The following CHL1 variants were observed in gnomAD, a reference collection of about 807,000 sequenced individuals.
CHL1 encodes cell adhesion molecule L1 like.
Under a neutral mutation model 141.9 loss-of-function variants are expected in CHL1, and 96 were observed. That is an observed-to-expected ratio of 0.68 (90% CI 0.57 to 0.80). CHL1 has a LOEUF of 0.80. Among genes scored for constraint, CHL1 ranks in the 30% least tolerant of loss-of-function variants. The pLI, the probability that CHL1 is intolerant of heterozygous loss-of-function variation, is 0.00. For synonymous variants in CHL1, 613 were observed against 502.2 expected, an observed-to-expected ratio of 1.22 and a Z score of -2.95; for missense variants, 1,820 against 1,457.2, an observed-to-expected ratio of 1.25 and a Z score of -4.05.
At chr3:232,582 G>C (rs1701961057) in intron 1 of CHL1, among the ~76,000 whole-genome samples, 1 of 152,036 alleles carries the variant, frequency 6.6e-6, no homozygotes, top group African/African-American at 2.4e-5. Context: ...AGTTTTACAA[G>C]TTAGATGTTC....
intron 22 of CHL1, 132 bp from the exon 23 acceptor site, chr3:391,543 C>T: frequency 1.5e-6 from 1 of 647,152 alleles, no homozygotes; most frequent in Non-Finnish European, 2.6e-6. Context: ...AAACATTATT[C>T]CTTATTAGTA....
chr3:365,206 C>T (rs1337535825), intron 14 of CHL1, among the ~76,000 whole-genome samples: 3 of 152,282 alleles, frequency 2.0e-5, no homozygotes, highest in South Asian at 2.1e-4. Context: ...AGTATACTTA[C>T]TTTTAATAGG....
intron 2 of CHL1, among the ~76,000 whole-genome samples, chr3:297,228 G>A (rs945109699): frequency 1.3e-5 from 2 of 151,836 alleles, no homozygotes; most frequent in African/African-American, 2.4e-5. Flanking sequence ...CTCGTCTTAA[G>A]AAAATAAATA....
chr3:403,368 C>G lies in CHL1; in HGVS notation c.3458+1670C>G, dbSNP rs73814767. ...ACAAATCATTAAGTTTAGCTCACAACTCAAAGGAAGAGGATTATACAAGAT... is the reference window on the plus strand; with the variant it reads ...ACAAATCATTAAGTTTAGCTCACAAGTCAAAGGAAGAGGATTATACAAGAT... On this transcript the variant is annotated intron_variant, in intron 27 of 27. Transcript: ENST00000256509. 5.5e-3 allele frequency among the ~76,000 whole-genome samples: 830 copies of G among 152,222 alleles called. 9 individuals carry two copies. Among genetic ancestry groups the G allele is most frequent in the African/African-American group, 0.019 (771 of 41,536 alleles).
intron 1 of CHL1, among the ~76,000 whole-genome samples, chr3:206,727 T>G (rs1156650826): frequency 6.6e-6 from 1 of 152,162 alleles, no homozygotes; most frequent in African/African-American, 2.4e-5. Flanking sequence ...CATATAAGCG[T>G]CTAATGGTCT....
At chr3:342,954 G>GT in intron 7 of CHL1, 30 bp from the exon 8 acceptor site, 2 of 1,569,512 alleles carry the variant, frequency 1.3e-6, no homozygotes, top group Non-Finnish European at 1.7e-6. Flanking sequence ...CATTATGTTT[G>GT]TGTTTTTTCC....
chr3:206,042 T>C (rs1457927977), intron 1 of CHL1, among the ~76,000 whole-genome samples: 4 of 152,228 alleles, frequency 2.6e-5, no homozygotes, highest in Admixed American at 2.6e-4. Context: ...TAACACTCTT[T>C]CCTGTTGTCC....
chr3:390,330 G>A (rs1338447358), intron 20 of CHL1, among the ~76,000 whole-genome samples: 1 of 152,176 alleles, frequency 6.6e-6, no homozygotes, highest in African/African-American at 2.4e-5. Flanking sequence ...CTGACACATA[G>A]CATATGCTCA....
intron 2 of CHL1, among the ~76,000 whole-genome samples, chr3:250,857 T>A (rs145418075): frequency 9.9e-5 from 15 of 152,274 alleles, no homozygotes; most frequent in African/African-American, 3.6e-4. Flanking sequence ...AGTTGTCTAA[T>A]TATAGGGTGC....
In CHL1 at chr3:401,768, G is replaced by A. The variant is rs144496900; in HGVS notation, c.3458+70G>A. 1,842 of 888,456 alleles carry A rather than the reference G, an allele frequency of 2.1e-3. 31 individuals are homozygous for A. In the African/African-American group the frequency reaches 0.028, roughly 13 times the overall value. 55.0% of individuals were successfully genotyped at this position (888,456 alleles called of 1,614,324 possible). On this transcript the variant is annotated intron_variant, in intron 27 of 27. Transcript: ENST00000256509. ...GTTGAAAGCTTAAGTGAACAAAAAGGTGTTTATTCTTAATAAAAAGGTTAC... is the reference window on the plus strand; with the variant it reads ...GTTGAAAGCTTAAGTGAACAAAAAGATGTTTATTCTTAATAAAAAGGTTAC...
At chr3:400,294 G>A (rs148959418) in intron 26 of CHL1, among the ~76,000 whole-genome samples, 1,652 of 152,192 alleles carry the variant, frequency 0.011, 10 homozygotes, top group Middle Eastern at 0.034. Context: ...GGAGTTATGC[G>A]TTTCACTTTT....
At chr3:402,973 A>G (rs1486260994) in intron 27 of CHL1, among the ~76,000 whole-genome samples, 2 of 152,230 alleles carry the variant, frequency 1.3e-5, no homozygotes, top group African/African-American at 2.4e-5. Context: ...GAATCCAGAC[A>G]TGGCTTAGAT....
At chr3:246,608 C>T (rs1401413883) in intron 2 of CHL1, 1 of 152,064 alleles carries the variant, frequency 6.6e-6, no homozygotes, top group African/African-American at 2.4e-5. Context: ...TACCCAACCT[C>T]TCAAGAATTT....
chr3:278,711 T>C (rs1696373466), intron 2 of CHL1, among the ~76,000 whole-genome samples: 1 of 152,224 alleles, frequency 6.6e-6, no homozygotes, highest in Non-Finnish European at 1.5e-5. Flanking sequence ...CTTGGGTTAC[T>C]GGACACAATG....
chr3:362,961 C>A (rs1406605146), intron 13 of CHL1, among the ~76,000 whole-genome samples: 1 of 152,112 alleles, frequency 6.6e-6, no homozygotes, highest in Non-Finnish European at 1.5e-5. Flanking sequence ...ACATGCAAAC[C>A]GGTGCTGGTG....
intron 19 of CHL1, 89 bp from the exon 20 acceptor site, chr3:389,163 T>C: frequency 1.0e-6 from 1 of 972,684 alleles, no homozygotes; most frequent in East Asian, 2.6e-5. Context: ...TTCATTACAT[T>C]GTTCCTTATT....
chr3:212,355 C>G (rs1170198444), intron 1 of CHL1, among the ~76,000 whole-genome samples: 1 of 152,100 alleles, frequency 6.6e-6, no homozygotes, highest in Non-Finnish European at 1.5e-5. Flanking sequence ...ATTTCCTATA[C>G]TCTATGTATG....
At chr3:379,762 A>G (rs1336752190) in intron 16 of CHL1, among the ~76,000 whole-genome samples, 3 of 152,206 alleles carry the variant, frequency 2.0e-5, no homozygotes, top group Non-Finnish European at 4.4e-5. Flanking sequence ...TACAGAATAA[A>G]AATAAAAATA....
chr3:341,188 T>C (rs1016242008), intron 6 of CHL1, among the ~76,000 whole-genome samples: 2 of 152,196 alleles, frequency 1.3e-5, no homozygotes, highest in South Asian at 2.1e-4. Context: ...ATTTTAGTAA[T>C]GCTCTACCTG....
Sources: allele counts gnomAD v4.1 joint callset (sites outside exome capture counted in the v4.1 genomes callset), GRCh38; gene constraint gnomAD v4.1.1; transcripts MANE v1.5; gene names NCBI Gene and HGNC (gene_info 2026-07-23, HGNC 2026-07-21).